CFAP61: variants seen among roughly 807,000 people sequenced by gnomAD.
The protein encoded by CFAP61 is cilia and flagella associated protein 61, also known as cilia- and flagella-associated protein 61.
A neutral mutation model predicts 135.6 loss-of-function variants in CFAP61; 107 were observed. The observed-to-expected ratio is 0.79, with a 90% confidence interval of 0.67 to 0.93. The LOEUF (loss-of-function observed/expected upper bound fraction) is 0.93. CFAP61 is among the 40% of genes least tolerant of loss of function. The pLI is 0.00. For synonymous variants in CFAP61, 575 were observed against 578.5 expected (o/e 0.99, Z 0.09); for missense variants, 1,507 against 1,556.2 (o/e 0.97, Z 0.53).
intron 17 of CFAP61, among the ~76,000 whole-genome samples, chr20:20,210,702 C>T (rs892565117): frequency 7.2e-5 from 11 of 152,228 alleles, no homozygotes; most frequent in South Asian, 2.1e-4. Context: ...AAATGTGATT[C>T]CATTCATTAT....
Position 20,164,061 on chromosome 20 carries a change from A to G in CFAP61, c.1038A>G (p.Lys346=). The G allele has an allele frequency of 6.2e-7, 1 of 1,608,320 alleles. No individual in the cohort carries two copies. Among genetic ancestry groups the G allele is most frequent in the Non-Finnish European group, 8.5e-7 (1 of 1,176,954 alleles). ...GNVSEPEDIE[K]LSDISTGYAQ... The stretch of plus-strand genomic sequence containing the variant: ...TCTCCTTGCTCTAGGACATAGAAAA[A>G]CTCAGTGACATCTCCACTGGATATG... The change falls in exon 11 of 27, where the codon AAA becomes AAG. Residue 346 remains lysine, a synonymous_variant. Coordinates refer to ENST00000245957, the MANE Select transcript of CFAP61 (RefSeq NM_015585.4).
At chr20:20,235,401 G>C (rs1460670003) in intron 18 of CFAP61, among the ~76,000 whole-genome samples, 1 of 152,026 alleles carries the variant, frequency 6.6e-6, no homozygotes, top group Non-Finnish European at 1.5e-5. Context: ...GCCCCACCCA[G>C]ACCTCCTGCA....
chr20:20,357,038 A>T (rs1444212242), intron 26 of CFAP61, among the ~76,000 whole-genome samples: 1 of 103,724 alleles, frequency 9.6e-6, no homozygotes, highest in Non-Finnish European at 2.1e-5. Context: ...GGTCACACTG[A>T]GAGGAGGTGG....
intron 25 of CFAP61, among the ~76,000 whole-genome samples, chr20:20,317,306 C>G (rs2057192598): frequency 6.6e-6 from 1 of 152,104 alleles, no homozygotes; most frequent in Non-Finnish European, 1.5e-5. Context: ...CTGAATCACC[C>G]CTGGAGGGAC....
At position 20,164,099 on chromosome 20, in the gene CFAP61, A is replaced by T; in HGVS notation, c.1076A>T (p.His359Leu). The T allele has an allele frequency of 6.2e-7, 1 of 1,614,076 alleles. No homozygotes were observed. The highest frequency in any genetic ancestry group is 8.5e-7 in the Non-Finnish European group (1 of 1,179,962). Residue 359 changes from histidine to leucine, a missense_variant, in exon 11 of 27, where the codon CAT (histidine) becomes CTT (leucine). His to Leu is a moderately conservative substitution (Grantham distance 99). Coordinates refer to ENST00000245957, the MANE Select transcript of CFAP61 (RefSeq NM_015585.4). ...TCCACTGGATATGCACAGTATCACC[A>T]TGTCAGCAGTAGGAGCTTGGCATCG... The part of the protein sequence containing the change: ...DISTGYAQYH[H>L]VSSRSLASLV...
chr20:20,146,253 C>T (rs553284491), intron 9 of CFAP61, among the ~76,000 whole-genome samples: 1 of 152,278 alleles, frequency 6.6e-6, no homozygotes, highest in African/African-American at 2.4e-5. Context: ...CACCCTACAA[C>T]TGGATGAACT....
chr20:20,315,729 G>A (rs1397293818), intron 25 of CFAP61, among the ~76,000 whole-genome samples: 3 of 152,178 alleles, frequency 2.0e-5, no homozygotes, highest in Non-Finnish European at 2.9e-5. Flanking sequence ...GTGTAAGGAA[G>A]GGATCCAGTT....
intron 26 of CFAP61, among the ~76,000 whole-genome samples, chr20:20,348,833 A>G (rs1466607700): frequency 6.6e-6 from 1 of 151,762 alleles, no homozygotes; most frequent in Non-Finnish European, 1.5e-5. Context: ...ATAGAAGGGA[A>G]TGTCTCCAAT....
chr20:20,090,012 G>T (rs1221682019), intron 6 of CFAP61, among the ~76,000 whole-genome samples: 1 of 152,188 alleles, frequency 6.6e-6, no homozygotes, highest in African/African-American at 2.4e-5. Flanking sequence ...AACAGGAAGG[G>T]ACTTATAGTG....
chr20:20,127,454 T>C (rs1391556482), intron 8 of CFAP61, among the ~76,000 whole-genome samples: 1 of 151,770 alleles, frequency 6.6e-6, no homozygotes, highest in Non-Finnish European at 1.5e-5. Context: ...TGGATGTGGC[T>C]TCCTGTGAGC....
chr20:20,285,085 T>G (rs1190079681), intron 22 of CFAP61, among the ~76,000 whole-genome samples: 5 of 152,220 alleles, frequency 3.3e-5, no homozygotes, highest in Admixed American at 6.5e-5. Flanking sequence ...GGTTATTTTT[T>G]CCCAGCACTT....
At chr20:20,054,506 G>A (rs920166565) in intron 1 of CFAP61, among the ~76,000 whole-genome samples, 3 of 151,854 alleles carry the variant, frequency 2.0e-5, no homozygotes, top group African/African-American at 7.3e-5. Context: ...AAAATTACAT[G>A]GCACATGAAA....
chr20:20,257,501 G>A (rs1032892789), intron 20 of CFAP61, among the ~76,000 whole-genome samples: 2 of 151,964 alleles, frequency 1.3e-5, no homozygotes, highest in Admixed American at 1.3e-4. Context: ...TGTAATCCCA[G>A]CTACTTGGAA....
rs574980097 is a variant in CFAP61 at position 20,056,935 on chromosome 20, T to C, written c.143+139T>C. The C allele has an allele frequency of 8.6e-4, 602 of 699,494 alleles. 4 individuals carry two copies. The South Asian group carries it at 9.9e-3, about 12-fold the overall frequency. 43.3% of individuals were successfully genotyped at this position (699,494 alleles called of 1,614,324 possible). A position where few individuals can be genotyped will look rare whatever the true frequency, so the allele number is the denominator to read the frequency against. On this transcript the variant is annotated intron_variant, in intron 2 of 26. Coordinates refer to ENST00000245957, the MANE Select transcript of CFAP61 (RefSeq NM_015585.4). ...GAGTTCAAGACCAGCCTGGCCGACA[T>C]GGCAAAACCTCATCTCTACTAAAAA... is the stretch of plus-strand genomic sequence containing the variant.
intron 17 of CFAP61, 57 bp downstream of exon 17, chr20:20,199,959 G>A: frequency 6.3e-7 from 1 of 1,589,612 alleles, no homozygotes; most frequent in Non-Finnish European, 8.6e-7. Context: ...GGGCCTGGCA[G>A]ATGGGGTGGC....
chr20:20,230,861 C>T (rs1303998521), intron 18 of CFAP61, among the ~76,000 whole-genome samples: 6 of 152,156 alleles, frequency 3.9e-5, no homozygotes, highest in Admixed American at 3.9e-4. Context: ...CTGCTGCCTC[C>T]TTGTAGTCTT....
chr20:20,085,342 A>G (rs1239650279), intron 6 of CFAP61: 2 of 1,267,504 alleles, frequency 1.6e-6, no homozygotes, highest in Admixed American at 5.4e-5. Flanking sequence ...ATTTGAGACT[A>G]TGTGAGGCTG....
chr20:20,191,418 T>G lies in CFAP61; in HGVS notation c.1589T>G (p.Met530Arg). Residue 530 changes from methionine to arginine, a missense_variant and splice_region_variant, in exon 15 of 27, where the codon ATG becomes AGG. Coordinates refer to ENST00000245957, the MANE Select transcript of CFAP61 (RefSeq NM_015585.4). Reference protein sequence around the residue: ...IVGIAVIRNEMDIEYIRSHYN... With the variant: ...IVGIAVIRNERDIEYIRSHYN... ...GGTATTGCAGTGATCAGAAATGAAA[T>G]GGTAAATTGTGAAGTGGATATAAAT... 2.5e-6 allele frequency: 4 copies of G among 1,604,994 alleles called. No homozygotes were observed. Among genetic ancestry groups the G allele is most frequent in the Non-Finnish European group, 3.4e-6 (4 of 1,173,258 alleles).
intron 8 of CFAP61, among the ~76,000 whole-genome samples, chr20:20,135,383 T>C (rs759579050): frequency 5.3e-5 from 8 of 152,194 alleles, no homozygotes; most frequent in Non-Finnish European, 8.8e-5. Context: ...AACACAATTA[T>C]GAAGAAGACA....
Sources: gnomAD v4.1 joint callset for allele counts (sites outside exome capture counted in the v4.1 genomes callset) on GRCh38, gnomAD v4.1.1 for gene constraint, MANE v1.5 for transcripts, NCBI Gene and HGNC (gene_info 2026-07-23, HGNC 2026-07-21) for gene names.